Variants in EIF2D observed in about 807,000 individuals in gnomAD.
EIF2D encodes hepatocellular carcinoma-associated antigen 56.
In EIF2D, 56 loss-of-function variants were observed where a neutral mutation model predicts 77.4. The observed-to-expected ratio is 0.72, with a 90% CI of 0.58 to 0.90. The LOEUF is 0.90. EIF2D is among the 40% of genes least tolerant of loss of function. The pLI is 0.00. For synonymous variants in EIF2D, 230 were observed against 271.0 expected (o/e 0.85, Z 1.49); for missense variants, 574 against 706.5 (o/e 0.81, Z 2.13).
At position 206,584,841 on chromosome 1, in the gene EIF2D, G is replaced by A; in HGVS notation, c.139-3679C>T. The A allele has an allele frequency of 1.3e-6, 1 of 767,416 alleles. No individual in the cohort carries two copies. 47.5% of individuals were successfully genotyped at this position (767,416 alleles called of 1,614,324 possible). A position where few individuals can be genotyped will look rare whatever the true frequency, so the allele number is the denominator to read the frequency against. On this transcript the variant is annotated intron_variant and NMD_transcript_variant, in intron 2 of 5. Coordinates refer to the EIF2D transcript ENST00000472709. The surrounding 1 kb of genome is among the most constrained non-coding windows in gnomAD (Gnocchi z 4.9). Reference sequence around the variant, plus strand: ...TGGTGTTCAGATCTGTGGAATCCGGGCAGGGAGGCAAGAGCAGAGTCCCTG... The same window carrying A: ...TGGTGTTCAGATCTGTGGAATCCGGACAGGGAGGCAAGAGCAGAGTCCCTG...
chr1:206,574,305 G>A (rs1490002678), intron 4 of EIF2D, among the ~76,000 whole-genome samples: 1 of 152,224 alleles, frequency 6.6e-6, no homozygotes, highest in African/African-American at 2.4e-5. Flanking sequence ...GTGTGCCACA[G>A]CGCATCCATC....
chr1:206,611,870 T>C (rs1476155918), intron 1 of EIF2D, among the ~76,000 whole-genome samples: 1 of 152,202 alleles, frequency 6.6e-6, no homozygotes, highest in Non-Finnish European at 1.5e-5. Flanking sequence ...CCACCTCAGT[T>C]TCCAGCTGTC....
intron 13 of EIF2D, chr1:206,594,319 TAACA>T (rs1553409643): frequency 2.6e-5 from 4 of 152,290 alleles, no homozygotes; most frequent in African/African-American, 9.6e-5. Flanking sequence ...AAAAATAAAG[TAACA>T]AACAATAGCT....
At chr1:206,589,626 A>C (rs974567561), downstream of EIF2D, among the ~76,000 whole-genome samples, 3 of 152,076 alleles carry the variant, frequency 2.0e-5, no homozygotes, top group South Asian at 2.1e-4. Context: ...TGATTCTTCT[A>C]CTTCTGGAAT....
chr1:206,607,082 G>A (rs1670235414), intron 4 of EIF2D, among the ~76,000 whole-genome samples: 1 of 152,204 alleles, frequency 6.6e-6, no homozygotes, highest in Admixed American at 6.5e-5. Flanking sequence ...TCCACCAGGA[G>A]AGGGCCTCTT....
downstream of EIF2D, chr1:206,586,685 T>C: frequency 4.3e-6 from 3 of 695,632 alleles, no homozygotes; most frequent in Non-Finnish European, 7.4e-6. Flanking sequence ...CTTCGCTGAT[T>C]CAGTCTGTTC....
chr1:206,570,960 T>C (rs142741341), downstream of EIF2D, among the ~76,000 whole-genome samples: 331 of 152,296 alleles, frequency 2.2e-3, no homozygotes, highest in African/African-American at 7.7e-3. Context: ...CCCAGAAGTG[T>C]AATTGCTGGA....
intron 2 of EIF2D, 79 bp from the exon 3 acceptor site, chr1:206,609,538 T>C: frequency 8.6e-7 from 1 of 1,158,384 alleles, no homozygotes; most frequent in Non-Finnish European, 1.3e-6. Context: ...AACACTATGG[T>C]CACTTTAATT....
intron 2 of EIF2D, chr1:206,583,126 A>T (rs1668959407): frequency 1.7e-6 from 1 of 604,880 alleles, no homozygotes; most frequent in East Asian, 2.9e-5. Flanking sequence ...TCATTGTCTC[A>T]CTCCGAGTCC....
chr1:206,587,139 G>T, downstream of EIF2D: 1 of 890,542 alleles, frequency 1.1e-6, no homozygotes. Flanking sequence ...ACAAGTGTTT[G>T]CACGAGGGTT....
intron 2 of EIF2D, 179 bp downstream of exon 2, chr1:206,611,005 G>A: frequency 1.8e-6 from 1 of 552,770 alleles, no homozygotes; most frequent in Non-Finnish European, 3.1e-6. Context: ...AAAACCTTTT[G>A]CATCCTAGAA....
At chr1:206,576,527 G>A (rs1553405234) in intron 4 of EIF2D, among the ~76,000 whole-genome samples, 1 of 152,226 alleles carries the variant, frequency 6.6e-6, no homozygotes, top group African/African-American at 2.4e-5. Flanking sequence ...TTAACTGGTG[G>A]TGTGAGGAAA....
Position 206,599,863 on chromosome 1 carries a change from G to T in EIF2D, c.949-27C>A, listed in dbSNP as rs1669834627. Reference sequence around the variant, plus strand: ...TAAGGGAGAGAGGGCCAGTGGTAGGGGACTTCATTGATTCCACACACATAC... The same window carrying T: ...TAAGGGAGAGAGGGCCAGTGGTAGGTGACTTCATTGATTCCACACACATAC... On this transcript the variant is annotated intron_variant, in intron 8 of 14. Transcript: ENST00000271764. The surrounding 1 kb of genome is among the most constrained non-coding windows in gnomAD (Gnocchi z 4.1). The T allele has an allele frequency of 6.2e-7, 1 of 1,603,810 alleles. No homozygotes were observed. Among genetic ancestry groups the T allele is most frequent in the South Asian group, 1.1e-5 (1 of 90,602 alleles).
chr1:206,582,415 A>G (rs1668927460), intron 2 of EIF2D, among the ~76,000 whole-genome samples: 1 of 152,196 alleles, frequency 6.6e-6, no homozygotes, highest in Non-Finnish European at 1.5e-5. Context: ...TACTGACTGT[A>G]GGGTGTGAGG....
chr1:206,585,556 A>C, intron 2 of EIF2D: 1 of 299,618 alleles, frequency 3.3e-6, no homozygotes. Context: ...TTATTTCTGA[A>C]AACTCAGGGA....
intron 4 of EIF2D, among the ~76,000 whole-genome samples, chr1:206,576,894 T>G (rs1295276470): frequency 6.6e-6 from 1 of 152,060 alleles, no homozygotes; most frequent in Non-Finnish European, 1.5e-5. Flanking sequence ...CTTGAACTCC[T>G]GGGGGCTCAG....
chr1:206,601,876 C>T (rs1044704677), intron 7 of EIF2D: 7 of 160,976 alleles, frequency 4.3e-5, no homozygotes, highest in African/African-American at 1.2e-4. Context: ...TGGGCCGGGA[C>T]GGGGGGTGTT....
chr1:206,604,782 A>G (rs539248565), intron 5 of EIF2D: 14 of 152,252 alleles, frequency 9.2e-5, no homozygotes, highest in African/African-American at 2.6e-4. Flanking sequence ...GCTGGAAAAT[A>G]TAAGAATGAA....
chr1:206,581,426 C>T (rs1279829062), intron 2 of EIF2D, among the ~76,000 whole-genome samples: 2 of 152,012 alleles, frequency 1.3e-5, no homozygotes, highest in Non-Finnish European at 2.9e-5. Context: ...GGTGAAATCC[C>T]GTCTCTACTA....
Sources: gnomAD v4.1 joint callset for allele counts (sites outside exome capture counted in the v4.1 genomes callset) on GRCh38, gnomAD v4.1.1 for gene constraint, Gnocchi (gnomAD v3.1) non-coding constraint, MANE v1.5 for transcripts, NCBI Gene and HGNC (gene_info 2026-07-23, HGNC 2026-07-21) for gene names.